ADGRB3: variants seen among roughly 807,000 people sequenced by gnomAD.
The protein encoded by ADGRB3 is brain-specific angiogenesis inhibitor 3.
ADGRB3 carries 37 observed loss-of-function variants against 193.4 expected under a neutral mutation model. The ratio of observed to expected loss-of-function variants is 0.19; its 90% confidence interval spans 0.15 to 0.25. The LOEUF is 0.25. ADGRB3 is among the 10% of genes least tolerant of loss of function. The pLI, the probability that ADGRB3 is intolerant of heterozygous loss-of-function variation, is 1.00. For missense variants in ADGRB3, 1,637 were observed against 1,852.9 expected (o/e 0.88, Z 2.14); for synonymous variants, 690 against 644.2 (o/e 1.07, Z -1.08).
At chr6:68,653,594 T>G (rs977830802) in intron 3 of ADGRB3, among the ~76,000 whole-genome samples, 2 of 152,068 alleles carry the variant, frequency 1.3e-5, no homozygotes, top group Non-Finnish European at 2.9e-5. Flanking sequence ...TACTTAAAAT[T>G]AATAAATACT....
chr6:68,939,777 A>T (rs935756199), intron 5 of ADGRB3, among the ~76,000 whole-genome samples: 1 of 152,212 alleles, frequency 6.6e-6, no homozygotes, highest in African/African-American at 2.4e-5. Context: ...AATGTTTTAA[A>T]CAATAGAAAT....
rs544444888 is a variant in ADGRB3 at position 68,780,395 on chromosome 6, C to A, written c.757+140963C>A. 5.3e-5 allele frequency among the ~76,000 whole-genome samples: 8 copies of A among 152,062 alleles called. No individual in the cohort carries two copies. The South Asian group carries it at 1.7e-3, about 32-fold the overall frequency. ...TGTATGTTCATCAGAGATGACTAAA[C>A]CTTCAAGCAGAAGTGTTTAGGTTAT... On this transcript the variant is annotated intron_variant, in intron 3 of 31. Coordinates refer to ENST00000370598, the MANE Select transcript of ADGRB3 (RefSeq NM_001704.3).
chr6:69,299,475 T>C (rs1767904980), intron 20 of ADGRB3, among the ~76,000 whole-genome samples: 1 of 151,878 alleles, frequency 6.6e-6, no homozygotes, highest in African/African-American at 2.4e-5. Flanking sequence ...GGTCAAGAAA[T>C]CTTTACCCAG....
chr6:68,830,035 G>T (rs1468849123), intron 3 of ADGRB3, among the ~76,000 whole-genome samples: 2 of 152,062 alleles, frequency 1.3e-5, no homozygotes, highest in East Asian at 3.8e-4. Flanking sequence ...AAACAGCTAA[G>T]ATTTTACAAT....
chr6:68,976,005 A>C (rs1395725202), intron 10 of ADGRB3, among the ~76,000 whole-genome samples: 1 of 152,198 alleles, frequency 6.6e-6, no homozygotes, highest in African/African-American at 2.4e-5. Context: ...TTTCATCCTG[A>C]CAGTCAACAG....
intron 3 of ADGRB3, among the ~76,000 whole-genome samples, chr6:68,858,751 A>T (rs962208626): frequency 6.6e-6 from 1 of 152,076 alleles, no homozygotes; most frequent in African/African-American, 2.4e-5. Context: ...CTCTACATTG[A>T]CCCCTTTCAG....
chr6:69,215,432 A>T (rs1765754828), intron 17 of ADGRB3, among the ~76,000 whole-genome samples: 1 of 151,334 alleles, frequency 6.6e-6, no homozygotes, highest in Admixed American at 6.6e-5. Flanking sequence ...AAGAAAGAAA[A>T]GATGACAAAA....
chr6:68,707,751 G>T (rs1184052624), intron 3 of ADGRB3, among the ~76,000 whole-genome samples: 1 of 152,142 alleles, frequency 6.6e-6, no homozygotes, highest in Non-Finnish European at 1.5e-5. Flanking sequence ...AGTAGTGTAA[G>T]AACTGTTAAG....
chr6:69,169,501 A>G (rs922592401), intron 17 of ADGRB3, among the ~76,000 whole-genome samples: 61 of 150,034 alleles, frequency 4.1e-4, no homozygotes, highest in African/African-American at 1.4e-3. Flanking sequence ...GTAATTACAA[A>G]TTATAATTAA....
intron 13 of ADGRB3, among the ~76,000 whole-genome samples, chr6:69,043,290 GAGAAAGAAAGAAAGAAAGAAAGAAAGAA>G (rs145178367): frequency 2.3e-5 from 2 of 88,032 alleles, no homozygotes; most frequent in South Asian, 7.4e-4. Flanking sequence ...GGAAGAAAGA[GAGAAAGAAAGAAAGAAAGAAAGAAAGAA>G]AGAAAGAAAG....
At chr6:68,729,616 A>G (rs929737389) in intron 3 of ADGRB3, among the ~76,000 whole-genome samples, 3 of 151,566 alleles carry the variant, frequency 2.0e-5, no homozygotes, top group African/African-American at 4.8e-5. Flanking sequence ...TTTGGGTCCT[A>G]TAAGAATCCC....
chr6:68,748,618 T>C (rs1766131403), intron 3 of ADGRB3, among the ~76,000 whole-genome samples: 1 of 152,124 alleles, frequency 6.6e-6, no homozygotes, highest in Non-Finnish European at 1.5e-5. Flanking sequence ...TTTCATGGGC[T>C]GGCATTGAGT....
chr6:68,883,729 A>G (rs1765809819), intron 3 of ADGRB3, among the ~76,000 whole-genome samples: 1 of 152,200 alleles, frequency 6.6e-6, no homozygotes, highest in South Asian at 2.1e-4. Flanking sequence ...AACATGTTTG[A>G]ACATGAGAAG....
At chr6:68,978,222 A>C (rs1476268514) in intron 10 of ADGRB3, among the ~76,000 whole-genome samples, 1 of 151,454 alleles carries the variant, frequency 6.6e-6, no homozygotes, top group East Asian at 1.9e-4. Context: ...AATAAGAATA[A>C]AATTTTGGAA....
At chr6:68,965,784 G>T (rs1432960614) in intron 8 of ADGRB3, among the ~76,000 whole-genome samples, 1 of 152,100 alleles carries the variant, frequency 6.6e-6, no homozygotes, top group Non-Finnish European at 1.5e-5. Context: ...ATTCCTTTTA[G>T]CTAAGGCATA....
chr6:68,814,145 A>G (rs1309972857), intron 3 of ADGRB3, among the ~76,000 whole-genome samples: 4 of 152,280 alleles, frequency 2.6e-5, no homozygotes, highest in Admixed American at 6.5e-5. Flanking sequence ...GACTTCCACA[A>G]TGGTTGAACT....
intron 20 of ADGRB3, among the ~76,000 whole-genome samples, chr6:69,262,440 A>T (rs912063037): frequency 2.0e-5 from 3 of 151,852 alleles, no homozygotes; most frequent in African/African-American, 4.8e-5. Flanking sequence ...TTCCTTCCTT[A>T]CTAACATAAA....
chr6:69,005,782 G>A (rs913480639), intron 11 of ADGRB3, among the ~76,000 whole-genome samples: 7 of 152,280 alleles, frequency 4.6e-5, no homozygotes, highest in South Asian at 4.1e-4. Context: ...TATTGACCTT[G>A]ATATCCTTGT....
chr6:69,059,962 TGATA>T (rs1275304885), intron 15 of ADGRB3, among the ~76,000 whole-genome samples: 7 of 152,052 alleles, frequency 4.6e-5, no homozygotes, highest in Non-Finnish European at 1.0e-4. Flanking sequence ...GACATATAAA[TGATA>T]GATAAAAATC....
Sources: allele counts gnomAD v4.1 joint callset (sites outside exome capture counted in the v4.1 genomes callset), GRCh38; gene constraint gnomAD v4.1.1; transcripts MANE v1.5; gene names NCBI Gene and HGNC (gene_info 2026-07-23, HGNC 2026-07-21).